ERC1: variants seen among roughly 807,000 people sequenced by gnomAD.
The protein encoded by ERC1 is ELKS/RAB6-interacting/CAST family member 1, also known as RAB6 interacting protein 2.
In ERC1, 56 loss-of-function variants were observed where a neutral mutation model predicts 132.0. The observed-to-expected ratio is 0.42, with a 90% confidence interval of 0.34 to 0.53. The LOEUF is 0.53. Ranked by LOEUF, ERC1 falls within the 20% of genes least tolerant of loss-of-function variation. ERC1 has a pLI of 0.03. For missense variants in ERC1, 1,202 were observed against 1,349.9 expected (o/e 0.89, Z 1.72); for synonymous variants, 478 against 476.1 (o/e 1.00, Z -0.05).
At chr12:1,072,417 CATTG>C (rs1389785116) in intron 2 of ERC1, among the ~76,000 whole-genome samples, 2 of 152,160 alleles carry the variant, frequency 1.3e-5, no homozygotes, top group Non-Finnish European at 2.9e-5. Context: ...TTACTACCTA[CATTG>C]ATTGCCTTTC....
At chr12:1,196,403 G>A (rs1230576874) in intron 12 of ERC1, among the ~76,000 whole-genome samples, 1 of 151,868 alleles carries the variant, frequency 6.6e-6, no homozygotes, top group Non-Finnish European at 1.5e-5. Context: ...TTTTAATGCA[G>A]TTTGTTTAGT....
At chr12:1,263,699 A>AT (rs533403279) in intron 14 of ERC1, among the ~76,000 whole-genome samples, 3 of 151,828 alleles carry the variant, frequency 2.0e-5, no homozygotes, top group Non-Finnish European at 4.4e-5. Context: ...ATTATTATTA[A>AT]TTTTTTTGAG....
chr12:1,083,445 G>C lies in ERC1; in HGVS notation c.951G>C (p.Gln317His), dbSNP rs776893619. ...ESIKKLLEML[Q>H]SKGLSAKATE... ...TTAAGAAGCTTCTGGAAATGTTGCAGAGCAAAGGACTTTCTGCCAAGGCTA... is the reference window on the plus strand; with the variant it reads ...TTAAGAAGCTTCTGGAAATGTTGCACAGCAAAGGACTTTCTGCCAAGGCTA... The change falls in exon 3 of 19, where the codon CAG becomes CAC. Residue 317 changes from glutamine to histidine, a missense_variant. By Grantham distance (24) the Gln-to-His change is conservative. Transcript: ENST00000360905. 6.2e-7 allele frequency: 1 copy of C among 1,614,098 alleles called. No individual in the cohort carries two copies. The highest frequency in any genetic ancestry group is 2.2e-5 in the East Asian group (1 of 44,896).
chr12:1,438,990 C>T (rs994528384), intron 17 of ERC1, among the ~76,000 whole-genome samples: 6 of 149,888 alleles, frequency 4.0e-5, no homozygotes, highest in South Asian at 2.1e-4. Context: ...CATCTTTCAA[C>T]GGACAAAAGA....
At chr12:1,184,149 A>AG (rs1954804798) in intron 11 of ERC1, among the ~76,000 whole-genome samples, 1 of 123,374 alleles carries the variant, frequency 8.1e-6, no homozygotes, top group African/African-American at 2.6e-5. Context: ...AAAAAAAAAA[A>AG]AAAGAAAAAA....
At chr12:1,314,454 A>G (rs1476883478) in intron 15 of ERC1, among the ~76,000 whole-genome samples, 1 of 152,226 alleles carries the variant, frequency 6.6e-6, no homozygotes, top group Non-Finnish European at 1.5e-5. Flanking sequence ...ATTTGAGTGT[A>G]AAGATAGTCT....
intron 13 of ERC1, among the ~76,000 whole-genome samples, chr12:1,259,289 C>G (rs1180055154): frequency 1.3e-5 from 2 of 151,550 alleles, no homozygotes. Context: ...TATTATTTTT[C>G]TTATTTGGGC....
At chr12:1,000,176 C>T (rs1430378092) in intron 1 of ERC1, among the ~76,000 whole-genome samples, 1 of 152,022 alleles carries the variant, frequency 6.6e-6, no homozygotes, top group Non-Finnish European at 1.5e-5. Flanking sequence ...TGTTTGGAAG[C>T]CCTTTTGCAT....
intron 17 of ERC1, among the ~76,000 whole-genome samples, chr12:1,409,320 CT>C (rs2091704602): frequency 6.6e-6 from 1 of 152,282 alleles, no homozygotes; most frequent in African/African-American, 2.4e-5. Context: ...CCTTTTCTGC[CT>C]GCTTCCTGAT....
At chr12:1,253,649 C>T (rs1298886342) in intron 13 of ERC1, among the ~76,000 whole-genome samples, 1 of 151,992 alleles carries the variant, frequency 6.6e-6, no homozygotes, top group Admixed American at 6.5e-5. Context: ...GCACTCCAGC[C>T]TGGGCAACAA....
chr12:1,366,065 G>C lies in ERC1; in HGVS notation c.2781-5768G>C, dbSNP rs78297228. ...TGATGACTGCCAGAGGCTGGGGGAG[G>C]GGAAAAGAGGAGTTACTGTTATTGG... On this transcript the variant is annotated intron_variant, in intron 15 of 18. Transcript: ENST00000360905. 1.7e-4 allele frequency among the ~76,000 whole-genome samples: 26 copies of C among 152,258 alleles called. No homozygotes were observed. The East Asian group carries it at 3.7e-3, about 21-fold the overall frequency.
At chr12:1,475,337 C>T (rs989647329) in intron 18 of ERC1, among the ~76,000 whole-genome samples, 13 of 152,196 alleles carry the variant, frequency 8.5e-5, no homozygotes, top group Admixed American at 5.9e-4. Context: ...TTGTCTGCTA[C>T]GTGCAGGCCT....
chr12:993,626 G>C (rs1030913930), intron 1 of ERC1, among the ~76,000 whole-genome samples: 3 of 152,078 alleles, frequency 2.0e-5, no homozygotes, highest in African/African-American at 7.2e-5. Context: ...GTTCTTGGCC[G>C]GGCGCCGTGG....
intron 18 of ERC1, among the ~76,000 whole-genome samples, chr12:1,483,063 A>G (rs536367828): frequency 2.3e-4 from 35 of 152,184 alleles, no homozygotes; most frequent in Non-Finnish European, 4.4e-4. Flanking sequence ...TTGGGAGACC[A>G]AGGTGGGCAG....
chr12:1,321,389 T>G (rs1440347050), intron 15 of ERC1, among the ~76,000 whole-genome samples: 1 of 152,188 alleles, frequency 6.6e-6, no homozygotes, highest in African/African-American at 2.4e-5. Context: ...ATATTTCTTG[T>G]AAAGGTAGCA....
At chr12:1,440,653 T>G (rs2093121039) in intron 17 of ERC1, among the ~76,000 whole-genome samples, 1 of 129,230 alleles carries the variant, frequency 7.7e-6, no homozygotes, top group African/African-American at 3.3e-5. Context: ...TGTGTGTGTG[T>G]GTGTGTGTGT....
intron 8 of ERC1, among the ~76,000 whole-genome samples, chr12:1,176,453 C>T (rs1953730041): frequency 6.6e-6 from 1 of 152,208 alleles, no homozygotes; most frequent in Admixed American, 6.5e-5. Context: ...CATAATTCCA[C>T]AGGCCCTAGG....
At chr12:1,458,287 G>C (rs544898764) in intron 18 of ERC1, among the ~76,000 whole-genome samples, 1 of 152,352 alleles carries the variant, frequency 6.6e-6, no homozygotes, top group South Asian at 2.1e-4. Context: ...TACATACCAG[G>C]AGATCAAGCA....
intron 15 of ERC1, among the ~76,000 whole-genome samples, chr12:1,346,661 G>A (rs868107468): frequency 6.6e-6 from 1 of 152,082 alleles, no homozygotes; most frequent in Non-Finnish European, 1.5e-5. Flanking sequence ...GATGGTTTTC[G>A]GCCGGGCGCG....
Sources: gnomAD v4.1 joint callset for allele counts (sites outside exome capture counted in the v4.1 genomes callset) on GRCh38, gnomAD v4.1.1 for gene constraint, MANE v1.5 for transcripts, NCBI Gene and HGNC (gene_info 2026-07-23, HGNC 2026-07-21) for gene names.